The following OPCML variants were observed in gnomAD, a reference collection of about 807,000 sequenced individuals.
OPCML encodes the protein opioid-binding protein/cell adhesion molecule.
OPCML carries 13 observed loss-of-function variants against 37.8 expected under a neutral mutation model. The observed-to-expected ratio is 0.34, with a 90% CI of 0.22 to 0.55. The LOEUF (loss-of-function observed/expected upper bound fraction) is 0.55. Among genes scored for constraint, OPCML ranks in the 20% least tolerant of loss-of-function variants. The probability of loss-of-function intolerance (pLI) is 0.91; values close to 1 mark genes in which losing one functional copy is unlikely to be tolerated. For synonymous variants in OPCML, 176 were observed against 168.8 expected, an observed-to-expected ratio of 1.04 and a Z score of -0.33; for missense variants, 341 against 435.6, an observed-to-expected ratio of 0.78 and a Z score of 1.93.
At chr11:133,029,169 A>G (rs1947620720) in intron 1 of OPCML, among the ~76,000 whole-genome samples, 1 of 152,218 alleles carries the variant, frequency 6.6e-6, no homozygotes, top group Admixed American at 6.6e-5. Context: ...ATGAGATGCC[A>G]TCTCACACCA....
chr11:133,137,462 A>T (rs1949708621), intron 1 of OPCML, among the ~76,000 whole-genome samples: 1 of 152,206 alleles, frequency 6.6e-6, no homozygotes. Flanking sequence ...TGCTTGTTTT[A>T]AATAGAGGAC....
At chr11:133,530,530 T>A (rs1259685439) in intron 1 of OPCML, among the ~76,000 whole-genome samples, 1 of 152,198 alleles carries the variant, frequency 6.6e-6, no homozygotes, top group Non-Finnish European at 1.5e-5. Context: ...TGTCTTCTCC[T>A]GCCACGGACC....
chr11:133,338,536 G>A (rs1943792673), intron 1 of OPCML, among the ~76,000 whole-genome samples: 2 of 152,200 alleles, frequency 1.3e-5, no homozygotes, highest in East Asian at 1.9e-4. Context: ...CCCACCACTG[G>A]CCCTTCCGGC....
At position 132,419,677 on chromosome 11, in the gene OPCML, C is replaced by G. The variant is rs2095950660; in HGVS notation, c.*516G>C. On this transcript the variant is annotated 3_prime_UTR_variant, in exon 8 of 8. Coordinates refer to ENST00000524381, the MANE Select transcript of OPCML (RefSeq NM_001012393.5). ...TGTCCCAGAAAGAAAAGACGTGAAC[C>G]CTAATGGAATTAGATAATAATTAAC... 6.5e-6 allele frequency: 1 copy of G among 153,360 alleles called. No individual in the cohort carries two copies. Among genetic ancestry groups the G allele is most frequent in the South Asian group, 2.0e-4 (1 of 4,884 alleles). The allele number at this position is 153,360 out of a possible 1,614,324, so 9.5% of individuals were successfully genotyped here. A position where few individuals can be genotyped will look rare whatever the true frequency, so the allele number is the denominator to read the frequency against.
At chr11:132,647,679 TGAG>T (rs1941224182) in intron 3 of OPCML, among the ~76,000 whole-genome samples, 3 of 151,920 alleles carry the variant, frequency 2.0e-5, no homozygotes, top group African/African-American at 7.3e-5. Flanking sequence ...TTGAGTAGGC[TGAG>T]GAGGAGGAGG....
At chr11:132,671,652 TAAGA>T (rs1942481266) in intron 2 of OPCML, among the ~76,000 whole-genome samples, 1 of 152,126 alleles carries the variant, frequency 6.6e-6, no homozygotes. Flanking sequence ...GGCAAGACAC[TAAGA>T]AAGACTGAGC....
At chr11:132,724,909 A>C (rs553065691) in intron 2 of OPCML, among the ~76,000 whole-genome samples, 1 of 152,330 alleles carries the variant, frequency 6.6e-6, no homozygotes, top group African/African-American at 2.4e-5. Context: ...ATGCTGATGC[A>C]AGAGTTAGGT....
chr11:132,665,355 C>T (rs1357798389), intron 2 of OPCML, among the ~76,000 whole-genome samples: 1 of 152,196 alleles, frequency 6.6e-6, no homozygotes, highest in Non-Finnish European at 1.5e-5. Flanking sequence ...CAAGGGGAAT[C>T]TCTGGTCCCC....
At chr11:133,068,552 G>C (rs566443530) in intron 1 of OPCML, among the ~76,000 whole-genome samples, 2 of 152,298 alleles carry the variant, frequency 1.3e-5, no homozygotes, top group South Asian at 4.1e-4. Context: ...ACATGCTCGA[G>C]AATTAGCTGG....
intron 1 of OPCML, among the ~76,000 whole-genome samples, chr11:133,328,213 A>G (rs970016131): frequency 4.1e-5 from 6 of 147,596 alleles, no homozygotes; most frequent in African/African-American, 1.5e-4. Context: ...GCTGGAGTGC[A>G]GTGACATGAT....
At chr11:132,890,632 G>T (rs1049793167) in intron 2 of OPCML, among the ~76,000 whole-genome samples, 3 of 151,256 alleles carry the variant, frequency 2.0e-5, no homozygotes, top group African/African-American at 7.3e-5. Flanking sequence ...GGATCACGAG[G>T]TCAGGAGATC....
chr11:132,604,059 A>C (rs1487037166), intron 3 of OPCML, among the ~76,000 whole-genome samples: 2 of 152,140 alleles, frequency 1.3e-5, no homozygotes, highest in Non-Finnish European at 2.9e-5. Flanking sequence ...CTGTGCCTGG[A>C]ATACTTGTTG....
intron 4 of OPCML, among the ~76,000 whole-genome samples, chr11:132,514,149 T>C (rs1028350664): frequency 4.6e-5 from 7 of 152,216 alleles, no homozygotes; most frequent in African/African-American, 1.7e-4. Flanking sequence ...AGAAGACCTT[T>C]TTGAAAACCA....
Position 132,663,441 on chromosome 11 carries a change from T to A in OPCML, c.147-6122A>T, listed in dbSNP as rs567599313. ...TCCATGGGCTCTTTATGTATATTTT[T>A]CAATTTAGTGTTTTCATTTCTATTG... On this transcript the variant is annotated intron_variant, in intron 2 of 7. Coordinates refer to ENST00000524381, the MANE Select transcript of OPCML (RefSeq NM_001012393.5). Among the ~76,000 whole-genome samples, 6 of 152,366 alleles carry A rather than the reference T, an allele frequency of 3.9e-5. No homozygotes were observed. The East Asian group carries it at 9.6e-4, about 24-fold the overall frequency.
At chr11:132,793,287 A>G (rs887190044) in intron 2 of OPCML, among the ~76,000 whole-genome samples, 10 of 152,216 alleles carry the variant, frequency 6.6e-5, no homozygotes, top group African/African-American at 2.4e-4. Context: ...AGGGACATGC[A>G]TTGTGCCTTT....
intron 3 of OPCML, among the ~76,000 whole-genome samples, chr11:132,554,724 G>T (rs2096390305): frequency 6.6e-6 from 1 of 152,116 alleles, no homozygotes; most frequent in African/African-American, 2.4e-5. Flanking sequence ...CTTAGCTTAG[G>T]AGTTTGCCTA....
intron 1 of OPCML, chr11:133,065,500 C>T (rs1948427128): frequency 6.6e-6 from 1 of 152,242 alleles, no homozygotes; most frequent in Non-Finnish European, 1.5e-5. Flanking sequence ...CGTTGTTACA[C>T]GATATTGCCC....
intron 1 of OPCML, among the ~76,000 whole-genome samples, chr11:133,039,763 T>A (rs887124036): frequency 4.6e-5 from 7 of 152,092 alleles, no homozygotes; most frequent in Admixed American, 2.0e-4. Flanking sequence ...CTCATTCATG[T>A]GAAAGATTGG....
intron 2 of OPCML, among the ~76,000 whole-genome samples, chr11:132,868,552 G>A (rs533504193): frequency 6.6e-6 from 1 of 152,186 alleles, no homozygotes; most frequent in East Asian, 1.9e-4. Flanking sequence ...AGGAATCAAA[G>A]GGTTGTCCTA....
Sources: allele counts gnomAD v4.1 joint callset (sites outside exome capture counted in the v4.1 genomes callset), GRCh38; gene constraint gnomAD v4.1.1; transcripts MANE v1.5; gene names NCBI Gene and HGNC (gene_info 2026-07-23, HGNC 2026-07-21).